Variants in TM9SF4 observed in about 807,000 individuals in gnomAD.
TM9SF4 encodes transmembrane 9 superfamily member 4.
Under a neutral mutation model 90.4 loss-of-function variants are expected in TM9SF4, and 26 were observed. The observed-to-expected ratio is 0.29, with a 90% CI of 0.21 to 0.40. The LOEUF (loss-of-function observed/expected upper bound fraction) is 0.40. TM9SF4 is among the 10% of genes least tolerant of loss of function. The probability of loss-of-function intolerance (pLI) is 1.00; values close to 1 mark genes in which losing one functional copy is unlikely to be tolerated. For missense variants in TM9SF4, 549 were observed against 834.8 expected (o/e 0.66, Z 4.22); for synonymous variants, 293 against 315.4 (o/e 0.93, Z 0.75).
chr20:32,115,925 G>A (rs1048559531), intron 1 of TM9SF4, among the ~76,000 whole-genome samples: 6 of 148,982 alleles, frequency 4.0e-5, no homozygotes, highest in Admixed American at 2.7e-4. Flanking sequence ...GGGTTCGAGC[G>A]ATTCTCCTGC....
intron 1 of TM9SF4, among the ~76,000 whole-genome samples, chr20:32,110,865 G>C (rs1328986549): frequency 6.6e-6 from 1 of 152,316 alleles, no homozygotes; most frequent in East Asian, 1.9e-4. Flanking sequence ...CAAGAGACCA[G>C]AACTAAAATT....
In TM9SF4 at chr20:32,143,086, C is replaced by T. The variant is rs1212452117; in HGVS notation, c.633C>T (p.Pro211=). 1.2e-6 allele frequency: 2 copies of T among 1,613,376 alleles called. No homozygotes were observed. Among genetic ancestry groups the T allele is most frequent in the East Asian group, 2.2e-5 (1 of 44,858 alleles). Residue 211 remains proline (P), a synonymous_variant, in exon 6 of 18, where the codon CCC becomes CCT. Coordinates refer to ENST00000398022, the MANE Select transcript of TM9SF4 (RefSeq NM_014742.4). ...TYRVVRFEVI[P]QSIRLEDLKA... is the part of the protein sequence containing the mutation. ...GTGTCGTCCGCTTCGAGGTGATTCC[C>T]CAGAGCATCAGGCTGGAGGGTGAGT...
intron 2 of TM9SF4, among the ~76,000 whole-genome samples, chr20:32,135,391 T>C (rs1450156826): frequency 6.6e-6 from 1 of 152,212 alleles, no homozygotes; most frequent in Admixed American, 6.5e-5. Flanking sequence ...GTTACAGAGG[T>C]GACCAAGGCA....
rs2046770331 is a variant in TM9SF4, at chr20:32,146,857, T to C, written c.954+2T>C. 6.2e-7 allele frequency: 1 copy of C among 1,613,460 alleles called. No homozygotes were observed. The highest frequency in any genetic ancestry group is 8.5e-7 in the Non-Finnish European group (1 of 1,179,836). On this transcript the variant is annotated splice_donor_variant, in intron 9 of 17. Transcript: ENST00000398022. LOFTEE classifies it high-confidence loss of function. ...AACTACAACAAGGAGGATGACATTG[T>C]ACGAGGTCTTGGCTGGGGAGGGATG...
rs574783127 is a variant in TM9SF4, at chr20:32,113,801, A to G, written c.15+4046A>G. Among the ~76,000 whole-genome samples, 23 of 152,282 alleles carry G rather than the reference A, an allele frequency of 1.5e-4. No individual in the cohort carries two copies. In the East Asian group the frequency reaches 1.7e-3, roughly 11 times the overall value. On this transcript the variant is annotated intron_variant, in intron 1 of 17. Coordinates refer to ENST00000398022, the MANE Select transcript of TM9SF4 (RefSeq NM_014742.4). The stretch of plus-strand genomic sequence containing the variant: ...TTCGGAACATTTCATCACCCCAAAA[A>G]GAGAGTCACTCCCTACTCTTCCCTC...
chr20:32,109,719 T>G lies in TM9SF4; in HGVS notation c.-22T>G. ...GGAGCACCACTTCCGCTGACGTCAT[T>G]ACGGCGACACGTGGATCCAAGATGG... On this transcript the variant is annotated 5_prime_UTR_variant, in exon 1 of 18. The change creates a new upstream start codon in the 5' untranslated region. Coordinates refer to ENST00000398022, the MANE Select transcript of TM9SF4 (RefSeq NM_014742.4). 1 of 1,551,616 alleles carries G rather than the reference T, an allele frequency of 6.4e-7. No individual in the cohort carries two copies. Among genetic ancestry groups the G allele is most frequent in the South Asian group, 1.2e-5 (1 of 84,066 alleles).
chr20:32,145,572 A>G, intron 8 of TM9SF4, 149 bp downstream of exon 8: 2 of 665,226 alleles, frequency 3.0e-6, no homozygotes, highest in Non-Finnish European at 5.2e-6. Flanking sequence ...CATCAGGTGT[A>G]CATAGGTAAA....
At chr20:32,122,988 G>T (rs1188438042) in intron 1 of TM9SF4, among the ~76,000 whole-genome samples, 3 of 151,474 alleles carry the variant, frequency 2.0e-5, no homozygotes, top group Non-Finnish European at 4.4e-5. Context: ...CCAACACAGC[G>T]AAACCCCGTC....
intron 1 of TM9SF4, among the ~76,000 whole-genome samples, chr20:32,113,141 A>G (rs2046171273): frequency 6.6e-6 from 1 of 152,310 alleles, no homozygotes; most frequent in East Asian, 1.9e-4. Context: ...TAGTGGATCC[A>G]GTGGCCGTGG....
chr20:32,132,748 G>A (rs2046538624), intron 1 of TM9SF4, among the ~76,000 whole-genome samples: 1 of 152,206 alleles, frequency 6.6e-6, no homozygotes, highest in Non-Finnish European at 1.5e-5. Flanking sequence ...TCCAGAAGTG[G>A]GGAGACATGG....
chr20:32,165,716 C>A lies in TM9SF4; in HGVS notation c.*272C>A. 2 of 437,134 alleles carry A rather than the reference C, an allele frequency of 4.6e-6. No individual in the cohort carries two copies. The highest frequency in any genetic ancestry group is 8.4e-6 in the Non-Finnish European group (2 of 239,502). 27.1% of individuals were successfully genotyped at this position (437,134 alleles called of 1,614,324 possible). A position where few individuals can be genotyped will look rare whatever the true frequency, so the allele number is the denominator to read the frequency against. On this transcript the variant is annotated 3_prime_UTR_variant, in exon 18 of 18. Coordinates refer to ENST00000398022, the MANE Select transcript of TM9SF4 (RefSeq NM_014742.4). ...GAAAGTTCCCTCCAACAGGAACTCTCTGACCTGTTTATTCAGGTGTATTTC... is the reference window on the plus strand; with the variant it reads ...GAAAGTTCCCTCCAACAGGAACTCTATGACCTGTTTATTCAGGTGTATTTC...
intron 3 of TM9SF4, 105 bp from the exon 4 acceptor site, chr20:32,141,392 C>A: frequency 1.4e-6 from 2 of 1,401,082 alleles, no homozygotes; most frequent in Non-Finnish European, 2.0e-6. Context: ...TGCTGAAGTC[C>A]TTGAAAGCCC....
intron 3 of TM9SF4, among the ~76,000 whole-genome samples, chr20:32,138,425 TCAAGAC>T (rs1467840551): frequency 1.3e-5 from 2 of 152,160 alleles, no homozygotes; most frequent in Non-Finnish European, 2.9e-5. Context: ...GGTCAAGAGT[TCAAGAC>T]CAGCCTGGCC....
intron 1 of TM9SF4, among the ~76,000 whole-genome samples, chr20:32,120,395 G>GTTTTTTTTTTT (rs34639926): frequency 8.6e-6 from 1 of 116,226 alleles, no homozygotes; most frequent in Non-Finnish European, 1.7e-5. Flanking sequence ...TAAGTGGTGC[G>GTTTTTTTTTTT]TTTTTTTTTT....
At chr20:32,146,584 A>G (rs181018702) in intron 8 of TM9SF4, among the ~76,000 whole-genome samples, 197 of 152,054 alleles carry the variant, frequency 1.3e-3, no homozygotes, top group Non-Finnish European at 2.1e-3. Context: ...CCCCACCTCC[A>G]TGCTCTGTGC....
chr20:32,139,955 G>GC (rs754823065), intron 3 of TM9SF4, among the ~76,000 whole-genome samples: 17 of 152,184 alleles, frequency 1.1e-4, no homozygotes, highest in Non-Finnish European at 2.4e-4. Flanking sequence ...TGTGTCTGCA[G>GC]CAAGTTATAT....
At chr20:32,163,734 C>T (rs574135799) in intron 17 of TM9SF4, among the ~76,000 whole-genome samples, 35 of 151,566 alleles carry the variant, frequency 2.3e-4, no homozygotes, top group Middle Eastern at 3.4e-3. Context: ...GCCTCTGCCT[C>T]CTGAGTAGCT....
chr20:32,127,540 C>A (rs1246132885), intron 1 of TM9SF4, among the ~76,000 whole-genome samples: 14 of 152,202 alleles, frequency 9.2e-5, no homozygotes, highest in Admixed American at 9.2e-4. Context: ...CCCGGTCTGT[C>A]ACTGTGCCTT....
intron 12 of TM9SF4, among the ~76,000 whole-genome samples, chr20:32,153,333 A>G (rs987908371): frequency 1.3e-5 from 2 of 152,242 alleles, no homozygotes; most frequent in African/African-American, 4.8e-5. Context: ...GCTGTGAGCC[A>G]AAGATGAAAC....
Sources: gnomAD v4.1 joint callset for allele counts (sites outside exome capture counted in the v4.1 genomes callset) on GRCh38, gnomAD v4.1.1 for gene constraint, MANE v1.5 for transcripts, NCBI Gene and HGNC (gene_info 2026-07-23, HGNC 2026-07-21) for gene names.